Variants in ZNF695 observed in about 807,000 individuals in gnomAD.
ZNF695 encodes zinc finger protein 695.
ZNF695 carries 11 observed loss-of-function variants against 11.2 expected under a neutral mutation model. That is an observed-to-expected ratio of 0.98 (90% confidence interval 0.62 to 1.62). ZNF695 has a LOEUF of 1.62. Ranked by LOEUF, ZNF695 falls within the 40% of genes most tolerant of loss-of-function variation. The probability of loss-of-function intolerance (pLI) is 0.00; values close to 1 mark genes in which losing one functional copy is unlikely to be tolerated. For synonymous variants in ZNF695, 190 were observed against 201.4 expected, an observed-to-expected ratio of 0.94 and a Z score of 0.48; for missense variants, 559 against 590.5, an observed-to-expected ratio of 0.95 and a Z score of 0.55.
At chr1:246,948,460 C>A (rs1358343578) in intron 5 of ZNF695, among the ~76,000 whole-genome samples, 1 of 152,072 alleles carries the variant, frequency 6.6e-6, no homozygotes, top group Admixed American at 6.6e-5. Flanking sequence ...GGGGCTTGCA[C>A]CAGAAAATAA....
At chr1:247,007,853 C>G in intron 1 of ZNF695, 53 bp downstream of exon 1, 1 of 1,512,422 alleles carries the variant, frequency 6.6e-7, no homozygotes, top group East Asian at 2.6e-5. Context: ...CAATTCCAAC[C>G]GATTCCAACC....
intron 4 of ZNF695, among the ~76,000 whole-genome samples, chr1:246,975,674 G>A (rs1054153033): frequency 6.6e-6 from 1 of 152,200 alleles, no homozygotes; most frequent in African/African-American, 2.4e-5. Context: ...TGAGGCAGAG[G>A]AGCTAGGAAG....
chr1:246,960,175 C>T (rs1368083917), intron 5 of ZNF695, among the ~76,000 whole-genome samples: 2 of 152,186 alleles, frequency 1.3e-5, no homozygotes, highest in African/African-American at 4.8e-5. Context: ...AGGAAACTTT[C>T]TCATATTGTA....
At chr1:246,996,433 C>T (rs557934154) in intron 3 of ZNF695, among the ~76,000 whole-genome samples, 18 of 151,912 alleles carry the variant, frequency 1.2e-4, no homozygotes, top group Non-Finnish European at 2.2e-4. Flanking sequence ...AAAACAACCC[C>T]ACAAATAATG....
chr1:246,980,741 C>G (rs1380768130), downstream of ZNF695, among the ~76,000 whole-genome samples: 3 of 152,086 alleles, frequency 2.0e-5, no homozygotes, highest in Admixed American at 6.6e-5. Flanking sequence ...TTTGAGTGTA[C>G]ATTTTAGAGG....
intron 5 of ZNF695, among the ~76,000 whole-genome samples, chr1:246,965,368 A>AT: frequency 6.6e-6 from 1 of 151,130 alleles, no homozygotes; most frequent in East Asian, 2.0e-4. Context: ...AAAAAAAAAA[A>AT]AAAAAGAAGA....
intron 1 of ZNF695, among the ~76,000 whole-genome samples, chr1:247,007,366 G>T (rs552108325): frequency 1.4e-3 from 218 of 151,946 alleles, no homozygotes; most frequent in African/African-American, 5.1e-3. Flanking sequence ...CGTGGTGGTG[G>T]GCGCCTGTAA....
chr1:246,955,391 T>C (rs1667971967), intron 5 of ZNF695, among the ~76,000 whole-genome samples: 1 of 152,208 alleles, frequency 6.6e-6, no homozygotes, highest in Admixed American at 6.5e-5. Flanking sequence ...CCTTAGGGGA[T>C]CACTGTCGTC....
At chr1:246,959,891 A>G (rs1668121694) in intron 5 of ZNF695, among the ~76,000 whole-genome samples, 1 of 152,166 alleles carries the variant, frequency 6.6e-6, no homozygotes, top group African/African-American at 2.4e-5. Flanking sequence ...TGTTCCTCAG[A>G]AGCAAAAACT....
intron 5 of ZNF695, among the ~76,000 whole-genome samples, chr1:246,947,130 A>C (rs79556100): frequency 8.1e-6 from 1 of 123,982 alleles, no homozygotes; most frequent in South Asian, 2.5e-4. Flanking sequence ...ACAAAGCGAG[A>C]CTCCGTCAAA....
chr1:246,955,401 CTA>C (rs377384016), intron 5 of ZNF695, among the ~76,000 whole-genome samples: 24 of 152,284 alleles, frequency 1.6e-4, no homozygotes, highest in African/African-American at 5.8e-4. Flanking sequence ...TCACTGTCGT[CTA>C]TGAGGTCCAT....
intron 4 of ZNF695, among the ~76,000 whole-genome samples, chr1:246,977,359 C>T (rs1027320640): frequency 6.6e-6 from 1 of 152,196 alleles, no homozygotes; most frequent in Non-Finnish European, 1.5e-5. Context: ...TGGGTTCAAG[C>T]GATTCTCCTG....
chr1:246,982,758 G>A (rs1444370628), downstream of ZNF695, among the ~76,000 whole-genome samples: 1 of 151,904 alleles, frequency 6.6e-6, no homozygotes, highest in Non-Finnish European at 1.5e-5. Context: ...AGATTACGAA[G>A]TCAGGAGATC....
chr1:246,999,326 C>T (rs4384270), intron 3 of ZNF695, 22 bp downstream of exon 3: 131,093 of 1,582,714 alleles, frequency 0.083, 7,891 homozygotes, highest in African/African-American at 0.31. Context: ...TACCTGTGTT[C>T]GCTTCATTCA....
chr1:246,980,417 CT>C (rs34908832), downstream of ZNF695, among the ~76,000 whole-genome samples: 60,942 of 127,198 alleles, frequency 0.48, 16,393 homozygotes, highest in East Asian at 0.91. Context: ...CCCCCTGCCA[CT>C]TTTTTTTTTT....
intron 4 of ZNF695, chr1:246,968,336 C>T (rs1052066521): frequency 1.3e-5 from 2 of 152,276 alleles, no homozygotes; most frequent in African/African-American, 4.8e-5. Context: ...TCCTTTGATT[C>T]CATGTCTAAC....
intron 1 of ZNF695, among the ~76,000 whole-genome samples, chr1:247,003,790 A>G (rs1669457685): frequency 6.6e-6 from 1 of 152,212 alleles, no homozygotes; most frequent in Admixed American, 6.6e-5. Context: ...TGGGCTTTTT[A>G]TTTCAGAAAA....
At chr1:246,964,957 T>C (rs1030938872) in intron 5 of ZNF695, among the ~76,000 whole-genome samples, 1 of 152,180 alleles carries the variant, frequency 6.6e-6, no homozygotes, top group Non-Finnish European at 1.5e-5. Context: ...GGGAACTTTA[T>C]GGGGTGATTG....
intron 1 of ZNF695, among the ~76,000 whole-genome samples, chr1:247,002,477 A>C (rs927152080): frequency 3.9e-5 from 6 of 152,188 alleles, no homozygotes; most frequent in Admixed American, 6.5e-5. Context: ...CCAACCTCAA[A>C]GCTAGCAGAA....
Sources: gnomAD v4.1 joint callset for allele counts (sites outside exome capture counted in the v4.1 genomes callset) on GRCh38, gnomAD v4.1.1 for gene constraint, MANE v1.5 for transcripts, NCBI Gene and HGNC (gene_info 2026-07-23, HGNC 2026-07-21) for gene names.